SLC14A2: variants seen among roughly 807,000 people sequenced by gnomAD.
SLC14A2 encodes urea transporter 2.
Under a neutral mutation model 104.6 loss-of-function variants are expected in SLC14A2, and 91 were observed. That is an observed-to-expected ratio of 0.87 (90% CI 0.73 to 1.04). The LOEUF is 1.04. SLC14A2 is among the 50% of genes least tolerant of loss of function. SLC14A2 has a pLI of 0.00. For missense variants in SLC14A2, 1,189 were observed against 1,156.0 expected (o/e 1.03, Z -0.41); for synonymous variants, 476 against 466.4 (o/e 1.02, Z -0.27).
chr18:45,447,282 C>G (rs960960254), intron 1 of SLC14A2: 2 of 152,184 alleles, frequency 1.3e-5, no homozygotes, highest in Non-Finnish European at 2.9e-5. Flanking sequence ...AAGCTAGCAT[C>G]AAGGACACCA....
intron 1 of SLC14A2, among the ~76,000 whole-genome samples, chr18:45,428,158 T>G (rs2086462088): frequency 6.6e-6 from 1 of 152,174 alleles, no homozygotes; most frequent in African/African-American, 2.4e-5. Context: ...TGCACCAGCA[T>G]TTCTTCTGGA....
intron 1 of SLC14A2, among the ~76,000 whole-genome samples, chr18:45,328,465 T>G (rs1422197921): frequency 6.6e-6 from 1 of 152,222 alleles, no homozygotes; most frequent in African/African-American, 2.4e-5. Flanking sequence ...GGTTATGCCC[T>G]GAGACAGCTG....
At chr18:45,659,634 C>G (rs72910336) in intron 10 of SLC14A2, among the ~76,000 whole-genome samples, 2,408 of 152,306 alleles carry the variant, frequency 0.016, 58 homozygotes, top group South Asian at 0.024. Context: ...CCAAGTAACA[C>G]TAGAAATAAT....
intron 19 of SLC14A2, 102 bp from the exon 20 acceptor site, chr18:45,682,217 G>T: frequency 1.0e-6 from 1 of 974,918 alleles, no homozygotes; most frequent in Non-Finnish European, 1.7e-6. Flanking sequence ...TGCCCTCAAA[G>T]CAGTCCCTCA....
intron 2 of SLC14A2, among the ~76,000 whole-genome samples, chr18:45,537,787 C>G (rs896858651): frequency 5.3e-5 from 8 of 152,234 alleles, no homozygotes; most frequent in Admixed American, 5.2e-4. Flanking sequence ...TTGCCCCTAA[C>G]TGCAATGGGG....
chr18:45,194,316 A>G, the SLC14A2 span, among the ~76,000 whole-genome samples: 1 of 152,266 alleles, frequency 6.6e-6, no homozygotes, highest in Non-Finnish European at 1.5e-5. Flanking sequence ...CCAGTAGTTA[A>G]GGTTAGTTGT....
chr18:45,338,067 A>G (rs2085353583), intron 1 of SLC14A2, among the ~76,000 whole-genome samples: 2 of 152,176 alleles, frequency 1.3e-5, no homozygotes, highest in Non-Finnish European at 2.9e-5. Context: ...ATTTCCTTCT[A>G]CTGACTTCAA....
At chr18:45,571,934 A>T (rs1393135137) in intron 2 of SLC14A2, among the ~76,000 whole-genome samples, 1 of 152,126 alleles carries the variant, frequency 6.6e-6, no homozygotes, top group African/African-American at 2.4e-5. Flanking sequence ...GCAGTGGTTC[A>T]CTCCCTGGCT....
At chr18:45,568,196 C>A (rs527722610) in intron 2 of SLC14A2, among the ~76,000 whole-genome samples, 1 of 152,230 alleles carries the variant, frequency 6.6e-6, no homozygotes, top group African/African-American at 2.4e-5. Context: ...ACTCCCACTG[C>A]CATCCCCAGC....
Position 45,666,206 on chromosome 18 carries a change from C to T in SLC14A2, c.1544C>T (p.Thr515Ile). ...DPFPYRYRKP[T>I]VELLDLDTME... ...TTTCCCTATCGATACCGGAAGCCCA[C>T]AGTCGAGCTGCTTGTGAGTACTGAG... The change falls in exon 12 of 20, where the codon ACA becomes ATA. Residue 515 changes from threonine to isoleucine, a missense_variant. Physicochemically the swap from Thr to Ile is moderately conservative, Grantham distance 89. Coordinates refer to ENST00000255226, the MANE Select transcript of SLC14A2 (RefSeq NM_007163.4). 6.2e-7 allele frequency: 1 copy of T among 1,612,156 alleles called. No individual in the cohort carries two copies. The highest frequency in any genetic ancestry group is 1.1e-5 in the South Asian group (1 of 91,036).
intron 1 of SLC14A2, among the ~76,000 whole-genome samples, chr18:45,220,759 A>G (rs1385947241): frequency 6.6e-6 from 1 of 152,240 alleles, no homozygotes; most frequent in Non-Finnish European, 1.5e-5. Flanking sequence ...CTGCCATAAC[A>G]AAGTACCATA....
At chr18:45,645,622 T>TATACATATATATATATATATAC (rs370081713) in intron 10 of SLC14A2, among the ~76,000 whole-genome samples, 1 of 134,862 alleles carries the variant, frequency 7.4e-6, no homozygotes, top group African/African-American at 2.7e-5. Flanking sequence ...AATATATATA[T>TATACATATATATATATATATAC]ACATATACAA....
chr18:45,644,267 C>A, intron 10 of SLC14A2, 107 bp downstream of exon 10: 1 of 1,084,292 alleles, frequency 9.2e-7, no homozygotes, highest in East Asian at 2.4e-5. Flanking sequence ...TTCTTTGCCT[C>A]TCCTTGCACC....
intron 1 of SLC14A2, among the ~76,000 whole-genome samples, chr18:45,235,959 G>A (rs2084229878): frequency 5.5e-5 from 5 of 91,694 alleles, no homozygotes; most frequent in African/African-American, 2.0e-4. Flanking sequence ...GTGTATATAT[G>A]TATATATACA....
At chr18:45,331,892 G>A (rs1171983204) in intron 1 of SLC14A2, among the ~76,000 whole-genome samples, 1 of 152,114 alleles carries the variant, frequency 6.6e-6, no homozygotes, top group Non-Finnish European at 1.5e-5. Context: ...TTCTAAATAT[G>A]AAGTGACCTC....
At chr18:45,318,024 T>C (rs1383696389) in intron 1 of SLC14A2, among the ~76,000 whole-genome samples, 1 of 152,188 alleles carries the variant, frequency 6.6e-6, no homozygotes, top group Non-Finnish European at 1.5e-5. Flanking sequence ...GTCTACTTCT[T>C]CCCAGCCTCA....
At chr18:45,537,383 A>T (rs2043809797) in intron 2 of SLC14A2, among the ~76,000 whole-genome samples, 1 of 152,138 alleles carries the variant, frequency 6.6e-6, no homozygotes, top group South Asian at 2.1e-4. Context: ...CTTCAGGTTG[A>T]CTTTTGACAA....
At chr18:45,475,663 A>AG (rs2087360473) in intron 1 of SLC14A2, among the ~76,000 whole-genome samples, 2 of 101,814 alleles carry the variant, frequency 2.0e-5, no homozygotes, top group African/African-American at 7.7e-5. Context: ...ATATATATAT[A>AG]TATATATATA....
At chr18:45,546,233 T>A (rs1400900757) in intron 2 of SLC14A2, among the ~76,000 whole-genome samples, 1 of 152,252 alleles carries the variant, frequency 6.6e-6, no homozygotes, top group Non-Finnish European at 1.5e-5. Flanking sequence ...AGAGCTAATA[T>A]TCCCTACATT....
Sources: allele counts gnomAD v4.1 joint callset (sites outside exome capture counted in the v4.1 genomes callset), GRCh38; gene constraint gnomAD v4.1.1; transcripts MANE v1.5; gene names NCBI Gene and HGNC (gene_info 2026-07-23, HGNC 2026-07-21).